SLC49A3: variants seen among roughly 807,000 people sequenced by gnomAD.
SLC49A3 encodes the protein solute carrier family 49 member A3.
In SLC49A3, 50 loss-of-function variants were observed where a neutral mutation model predicts 43.8. That is an observed-to-expected ratio of 1.14 (90% CI 0.91 to 1.45). SLC49A3 has a LOEUF of 1.45. Among genes scored for constraint, SLC49A3 ranks in the 40% most tolerant of loss-of-function variants. SLC49A3 has a pLI of 0.00. For missense variants in SLC49A3, 906 were observed against 774.1 expected (o/e 1.17, Z -2.02); for synonymous variants, 413 against 352.0 (o/e 1.17, Z -1.94).
chr4:690,496 C>G (rs1168871554), upstream of SLC49A3, among the ~76,000 whole-genome samples: 1 of 152,200 alleles, frequency 6.6e-6, no homozygotes, highest in Non-Finnish European at 1.5e-5. Context: ...CCTCCATAGT[C>G]CAGTGCCAAT....
intron 4 of SLC49A3, 46 bp from the exon 5 acceptor site, chr4:684,902 CCA>C (rs774325428): frequency 1.3e-6 from 2 of 1,581,212 alleles, no homozygotes; most frequent in Non-Finnish European, 1.7e-6. Context: ...AGACTGGCAC[CCA>C]CACACGCCGC....
chr4:683,591 G>A lies in SLC49A3; in HGVS notation c.993+18C>T, dbSNP rs1174801381. ...CACCCACCCCCACAGGGCAGTCTTGGCTTGAGGAGACCCTCACCAGGGCAA... is the reference window on the plus strand; with the variant it reads ...CACCCACCCCCACAGGGCAGTCTTGACTTGAGGAGACCCTCACCAGGGCAA... On this transcript the variant is annotated intron_variant, in intron 7 of 9. Transcript: ENST00000322224. 4 of 1,602,920 alleles carry A rather than the reference G, an allele frequency of 2.5e-6. No homozygotes were observed. Among genetic ancestry groups the A allele is most frequent in the Non-Finnish European group, 3.4e-6 (4 of 1,175,178 alleles).
At chr4:681,050 A>C (rs377299244), downstream of SLC49A3, 1 of 1,564,562 alleles carries the variant, frequency 6.4e-7, no homozygotes, top group Non-Finnish European at 8.7e-7. Flanking sequence ...AGGCTCCTGC[A>C]CCCCCGCATC....
chr4:682,347 T>C lies in SLC49A3; in HGVS notation c.1291A>G (p.Thr431Ala). 7.4e-7 allele frequency: 1 copy of C among 1,344,206 alleles called. No homozygotes were observed. 83.3% of individuals were successfully genotyped at this position (1,344,206 alleles called of 1,614,324 possible). A position where few individuals can be genotyped will look rare whatever the true frequency, so the allele number is the denominator to read the frequency against. The change falls in exon 10 of 10, where the codon ACC (threonine) becomes GCC (alanine). Residue 431 changes from threonine to alanine, a missense_variant. Coordinates refer to ENST00000322224, the MANE Select transcript of SLC49A3 (RefSeq NM_032219.4). ...ACCGCCAGGATGCAGCTGAAGAAGG[T>C]GCACAGGCCGGCCATCAGCAGCAGA... Reference protein sequence around the residue: ...VSLLLMAGLCTFFSCILAVFF... With the variant: ...VSLLLMAGLCAFFSCILAVFF...
Position 682,255 on chromosome 4 carries a change from G to T in SLC49A3, c.1383C>A (p.Ala461=). The stretch of plus-strand genomic sequence containing the variant: ...CCGGCCCTGAGTCTGCGCCGCCCAC[G>T]GCGTTACGGGTGGAGGGGGGCTCCC... ...ESGEPPSTRN[A]VGGADSGPGV... is the part of the protein sequence containing the mutation. The change falls in exon 10 of 10, where the codon GCC becomes GCA. Residue 461 remains alanine, a synonymous_variant. Coordinates refer to ENST00000322224, the MANE Select transcript of SLC49A3 (RefSeq NM_032219.4). The T allele has an allele frequency of 7.2e-7, 1 of 1,380,052 alleles. No individual in the cohort carries two copies. Among genetic ancestry groups the T allele is most frequent in the South Asian group, 1.8e-5 (1 of 54,768 alleles). 85.5% of individuals were successfully genotyped at this position (1,380,052 alleles called of 1,614,324 possible). A position where few individuals can be genotyped will look rare whatever the true frequency, so the allele number is the denominator to read the frequency against.
In SLC49A3 at chr4:683,657, G is replaced by C. The variant is rs1740342294; in HGVS notation, c.945C>G (p.Thr315=). The C allele has an allele frequency of 6.2e-7, 1 of 1,610,758 alleles. No homozygotes were observed. The highest frequency in any genetic ancestry group is 1.3e-5 in the African/African-American group (1 of 74,862). ...VDRTKHFTEA[T]KIGLCLFSLA... is the part of the protein sequence containing the mutation. Reference sequence around the variant, plus strand: ...GAGAGAACAGGCACAGGCCAATCTTGGTGGCCTCAGTGAAGTGCTTGGTCC... The same window carrying C: ...GAGAGAACAGGCACAGGCCAATCTTCGTGGCCTCAGTGAAGTGCTTGGTCC... The change falls in exon 7 of 10, where the codon ACC becomes ACG. Residue 315 remains threonine, a synonymous_variant. Transcript: ENST00000322224.
rs932746100 is a variant in SLC49A3, at chr4:683,305, A to G, written c.1056T>C (p.Phe352=). 1.2e-6 allele frequency: 2 copies of G among 1,612,626 alleles called. No homozygotes were observed. The highest frequency in any genetic ancestry group is 3.3e-5 in the Admixed American group (2 of 59,990). Residue 352 remains phenylalanine, a synonymous_variant, in exon 8 of 10, where the codon TTT becomes TTC. Coordinates refer to ENST00000322224, the MANE Select transcript of SLC49A3 (RefSeq NM_032219.4). ...TGGCCACGGGGCCCACCGAGAAGCCAAACAGCCCGAGCAGCGAGCAGGTGG... is the reference window on the plus strand; with the variant it reads ...TGGCCACGGGGCCCACCGAGAAGCCGAACAGCCCGAGCAGCGAGCAGGTGG... ...LAATCSLLGL[F]GFSVGPVAME...
intron 1 of SLC49A3, among the ~76,000 whole-genome samples, chr4:688,665 T>C (rs1482602732): frequency 1.3e-5 from 2 of 151,308 alleles, no homozygotes; most frequent in South Asian, 2.1e-4. Flanking sequence ...CTGGGAGGCG[T>C]GGAAGGAGAG....
chr4:681,289 G>A, downstream of SLC49A3: 1 of 911,020 alleles, frequency 1.1e-6, no homozygotes. Flanking sequence ...CGAAGTGCCC[G>A]TCTGAGGGAC....
intron 4 of SLC49A3, 34 bp from the exon 5 acceptor site, chr4:684,890 G>A (rs755977183): frequency 8.8e-6 from 14 of 1,599,504 alleles, no homozygotes; most frequent in African/African-American, 5.4e-5. Flanking sequence ...AGGAGACCAC[G>A]CAGACTGGCA....
chr4:680,639 C>G, downstream of SLC49A3: 1 of 1,574,066 alleles, frequency 6.4e-7, no homozygotes, highest in Non-Finnish European at 8.7e-7. Context: ...CCCCAGTGAT[C>G]TCATCCTGTC....
chr4:679,602 G>T (rs1327775256), downstream of SLC49A3, among the ~76,000 whole-genome samples: 1 of 152,174 alleles, frequency 6.6e-6, no homozygotes, highest in Non-Finnish European at 1.5e-5. Context: ...TGGGGTGGGA[G>T]GGTCGCAAGT....
rs749568535 is a variant in SLC49A3 at position 684,615 on chromosome 4, G to C, written c.724-16C>G. ...TCCACATGAGCTGCTGGGAAAGAGC[G>C]TCTCAGCCCCGGAGCCCGGGGGCCC... On this transcript the variant is annotated splice_polypyrimidine_tract_variant and intron_variant, in intron 5 of 9. Coordinates refer to ENST00000322224, the MANE Select transcript of SLC49A3 (RefSeq NM_032219.4). The C allele has an allele frequency of 6.2e-7, 1 of 1,612,456 alleles. No individual in the cohort carries two copies. The highest frequency in any genetic ancestry group is 8.5e-7 in the Non-Finnish European group (1 of 1,179,758).
downstream of SLC49A3, chr4:679,780 C>A: frequency 1.5e-6 from 1 of 682,468 alleles, no homozygotes; most frequent in East Asian, 2.9e-5. Flanking sequence ...CCCCACGTGC[C>A]TGGGCCAAGC....
chr4:684,082 G>C (rs1740471204), intron 6 of SLC49A3, among the ~76,000 whole-genome samples: 1 of 152,242 alleles, frequency 6.6e-6, no homozygotes, highest in Non-Finnish European at 1.5e-5. Flanking sequence ...AGAAGGCAGA[G>C]GGCAGAGGGC....
At position 685,818 on chromosome 4, in the gene SLC49A3, G is replaced by T; in HGVS notation, c.585+17C>A. 1 of 1,613,568 alleles carries T rather than the reference G, an allele frequency of 6.2e-7. No individual in the cohort carries two copies. Among genetic ancestry groups the T allele is most frequent in the Non-Finnish European group, 8.5e-7 (1 of 1,179,640 alleles). On this transcript the variant is annotated intron_variant, in intron 4 of 9. Coordinates refer to ENST00000322224, the MANE Select transcript of SLC49A3 (RefSeq NM_032219.4). The surrounding 1 kb of genome is among the most constrained non-coding windows in gnomAD (Gnocchi z 4.3). ...CACACCACACAGACCAGGCACGGGC[G>T]TCTCATGACCCCTCACCATTAACGG... is the stretch of plus-strand genomic sequence containing the variant.
At chr4:681,815 A>C, downstream of SLC49A3, 1 of 1,251,530 alleles carries the variant, frequency 8.0e-7, no homozygotes, top group Non-Finnish European at 1.0e-6. Context: ...CGCAGAAACC[A>C]CACCCGGGGC....
downstream of SLC49A3, chr4:678,345 T>C: frequency 1.4e-6 from 2 of 1,415,568 alleles, no homozygotes; most frequent in African/African-American, 2.9e-5. Flanking sequence ...CAGAGTCCAC[T>C]TGCCCCTCAA....
At chr4:678,271 G>A (rs1452667494), downstream of SLC49A3, 8 of 1,458,418 alleles carry the variant, frequency 5.5e-6, no homozygotes, top group Non-Finnish European at 7.3e-6. Flanking sequence ...CCTGGTGAGA[G>A]TCCGGAGCAG....
Sources: gnomAD v4.1 joint callset for allele counts (sites outside exome capture counted in the v4.1 genomes callset) on GRCh38, gnomAD v4.1.1 for gene constraint, Gnocchi (gnomAD v3.1) non-coding constraint, MANE v1.5 for transcripts, NCBI Gene and HGNC (gene_info 2026-07-23, HGNC 2026-07-21) for gene names.